The following ABHD2 variants were observed in gnomAD, a reference collection of about 807,000 sequenced individuals.
ABHD2 encodes monoacylglycerol lipase ABHD2.
A neutral mutation model predicts 48.1 loss-of-function variants in ABHD2; 20 were observed. The observed-to-expected ratio is 0.42, with a 90% CI of 0.29 to 0.60. ABHD2 has a LOEUF of 0.60. Ranked by LOEUF, ABHD2 falls within the 20% of genes least tolerant of loss-of-function variation. The pLI, the probability that ABHD2 is intolerant of heterozygous loss-of-function variation, is 0.24. For synonymous variants in ABHD2, 209 were observed against 214.2 expected (o/e 0.98, Z 0.21); for missense variants, 405 against 550.9 (o/e 0.74, Z 2.65).
chr15:89,147,453 A>G (rs936423887), intron 3 of ABHD2, among the ~76,000 whole-genome samples: 2 of 143,322 alleles, frequency 1.4e-5, no homozygotes, highest in African/African-American at 5.3e-5. Flanking sequence ...TCCCAGGTTT[A>G]CGCCATTCTC....
intron 3 of ABHD2, among the ~76,000 whole-genome samples, chr15:89,143,853 T>C (rs76622557): frequency 0.055 from 8,394 of 151,882 alleles, 825 homozygotes; most frequent in African/African-American, 0.19. Flanking sequence ...AGGATAGCTA[T>C]AGTAATTTCT....
At chr15:89,095,920 C>T (rs1170923949) in intron 1 of ABHD2, among the ~76,000 whole-genome samples, 2 of 152,216 alleles carry the variant, frequency 1.3e-5, no homozygotes, top group Non-Finnish European at 2.9e-5. Context: ...CTCAGTGCCT[C>T]CCCCGTTTGT....
In ABHD2 at chr15:89,092,315, G is replaced by C. The variant is rs1266557312; in HGVS notation, c.-107+3752G>C. Among the ~76,000 whole-genome samples, 1 of 152,082 alleles carries C rather than the reference G, an allele frequency of 6.6e-6. No individual in the cohort carries two copies. Among genetic ancestry groups the C allele is most frequent in the East Asian group, 1.9e-4 (1 of 5,196 alleles). ...ACGTTGGTACCCTTGGATTTGCCTG[G>C]TTTCTGATTTTCTTTTGTTGTCTTT... On this transcript the variant is annotated intron_variant, in intron 1 of 10. Coordinates refer to ENST00000352732, the MANE Select transcript of ABHD2 (RefSeq NM_152924.5). The surrounding 1 kb of genome is among the most constrained non-coding windows in gnomAD (Gnocchi z 4.4).
intron 7 of ABHD2, among the ~76,000 whole-genome samples, chr15:89,187,150 C>T (rs1479182375): frequency 6.6e-6 from 1 of 152,198 alleles, no homozygotes; most frequent in Admixed American, 6.5e-5. Flanking sequence ...CCTCTGTCTG[C>T]GTTTCCACAC....
intron 3 of ABHD2, among the ~76,000 whole-genome samples, chr15:89,142,104 C>T (rs899491407): frequency 7.9e-5 from 12 of 152,146 alleles, no homozygotes; most frequent in Admixed American, 7.9e-4. Flanking sequence ...GGCCAAGGCC[C>T]CAGTTGAAGT....
chr15:89,193,729 C>T (rs1432073893), intron 10 of ABHD2, among the ~76,000 whole-genome samples: 2 of 152,074 alleles, frequency 1.3e-5, no homozygotes, highest in Non-Finnish European at 1.5e-5. Context: ...ATGGGAGGAT[C>T]GCTTGAGGCC....
At chr15:89,069,124 T>TC in the ABHD2 span, among the ~76,000 whole-genome samples, 3 of 100,288 alleles carry the variant, frequency 3.0e-5, no homozygotes, top group East Asian at 5.3e-4. Flanking sequence ...TTTCTTTTCT[T>TC]TTTTTTTTTT....
chr15:89,054,694 G>GA, the ABHD2 span, among the ~76,000 whole-genome samples: 21,182 of 144,184 alleles, frequency 0.15, 1,602 homozygotes, highest in South Asian at 0.29. Flanking sequence ...AAAGAAAAAA[G>GA]AAAAAAAAAA....
At chr15:89,153,463 T>G (rs2050624241) in intron 4 of ABHD2, among the ~76,000 whole-genome samples, 1 of 152,230 alleles carries the variant, frequency 6.6e-6, no homozygotes, top group African/African-American at 2.4e-5. Context: ...TGCTTTTTCT[T>G]CTTCTACCAC....
chr15:89,167,626 CATT>C lies in ABHD2; in HGVS notation c.539-8185_539-8183del, dbSNP rs1351410036. Reference sequence around the variant, plus strand: ...CTGGGGAAACAAGGCTGAAAACACTCATTTTTTAAAATCCTTATTTCAGAGATA... The same window carrying C: ...CTGGGGAAACAAGGCTGAAAACACTCTTTTAAAATCCTTATTTCAGAGATA... On this transcript the variant is annotated intron_variant, in intron 5 of 10. Transcript: ENST00000352732. This position sits in a 1 kb window ranked among gnomAD's most constrained non-coding sequence, Gnocchi z 5.5. Among the ~76,000 whole-genome samples, 1 of 152,182 alleles carries C rather than the reference CATT, an allele frequency of 6.6e-6. No individual in the cohort carries two copies. Among genetic ancestry groups the C allele is most frequent in the African/African-American group, 2.4e-5 (1 of 41,440 alleles).
the ABHD2 span, among the ~76,000 whole-genome samples, chr15:89,053,693 C>T: frequency 1.3e-5 from 2 of 152,114 alleles, no homozygotes; most frequent in Admixed American, 6.5e-5. Context: ...GCTTTGGGAG[C>T]GACAAGAGAA....
At chr15:89,121,146 A>G (rs553801134) in intron 3 of ABHD2, among the ~76,000 whole-genome samples, 23 of 152,244 alleles carry the variant, frequency 1.5e-4, no homozygotes, top group Non-Finnish European at 2.4e-4. Context: ...TTGAACTAGG[A>G]TGCAAACCTA....
chr15:89,191,890 A>T (rs2051312208), intron 9 of ABHD2, among the ~76,000 whole-genome samples: 2 of 151,802 alleles, frequency 1.3e-5, no homozygotes, highest in Admixed American at 6.6e-5. Context: ...GCCTCCCAAA[A>T]TGCTGGGATT....
intron 1 of ABHD2, among the ~76,000 whole-genome samples, chr15:89,090,091 C>T (rs1596052674): frequency 6.6e-6 from 1 of 152,114 alleles, no homozygotes; most frequent in East Asian, 1.9e-4. Context: ...CAGTGCATGA[C>T]TTATTTCACT....
At position 89,198,729 on chromosome 15, in the gene ABHD2, C is replaced by T. The variant is rs2051438993; in HGVS notation, c.*3306C>T. 6.6e-6 allele frequency: 1 copy of T among 152,236 alleles called. No homozygotes were observed. Among genetic ancestry groups the T allele is most frequent in the Non-Finnish European group, 1.5e-5 (1 of 68,058 alleles). 9.4% of individuals were successfully genotyped at this position (152,236 alleles called of 1,614,324 possible). ...TCTATTTACACATCATTTGCTTGAACATTGCTGAACATCTGCGTGAACTTG... is the reference window on the plus strand; with the variant it reads ...TCTATTTACACATCATTTGCTTGAATATTGCTGAACATCTGCGTGAACTTG... On this transcript the variant is annotated 3_prime_UTR_variant, in exon 11 of 11. Transcript: ENST00000352732. The surrounding 1 kb of genome is among the most constrained non-coding windows in gnomAD (Gnocchi z 5.1).
At chr15:89,111,440 A>G (rs1215928547) in intron 1 of ABHD2, among the ~76,000 whole-genome samples, 1 of 152,200 alleles carries the variant, frequency 6.6e-6, no homozygotes, top group Non-Finnish European at 1.5e-5. Flanking sequence ...GGCAGTCTAG[A>G]TCTGATATGG....
the ABHD2 span, among the ~76,000 whole-genome samples, chr15:89,057,169 C>A: frequency 6.6e-6 from 1 of 152,130 alleles, no homozygotes; most frequent in Non-Finnish European, 1.5e-5. Flanking sequence ...CTGCGTCAGC[C>A]TCCCAAAGTG....
intron 3 of ABHD2, among the ~76,000 whole-genome samples, chr15:89,117,110 C>G (rs748041219): frequency 2.6e-5 from 4 of 152,212 alleles, no homozygotes; most frequent in Non-Finnish European, 4.4e-5. Context: ...ACTGCAACCT[C>G]CACCTCCCGG....
At chr15:89,112,574 AATT>A (rs1300991714) in intron 1 of ABHD2, among the ~76,000 whole-genome samples, 2 of 152,186 alleles carry the variant, frequency 1.3e-5, no homozygotes, top group Non-Finnish European at 2.9e-5. Context: ...TCTGAAGGTT[AATT>A]GATTCTTTCC....
Sources: gnomAD v4.1 joint callset for allele counts (sites outside exome capture counted in the v4.1 genomes callset) on GRCh38, gnomAD v4.1.1 for gene constraint, Gnocchi (gnomAD v3.1) non-coding constraint, MANE v1.5 for transcripts, NCBI Gene and HGNC (gene_info 2026-07-23, HGNC 2026-07-21) for gene names.